SNTG2: variants seen among roughly 807,000 people sequenced by gnomAD.
SNTG2 encodes syntrophin gamma 2.
SNTG2 carries 74 observed loss-of-function variants against 70.9 expected under a neutral mutation model. That is an observed-to-expected ratio of 1.04 (90% CI 0.86 to 1.27). SNTG2 has a LOEUF of 1.27. SNTG2 is among the 50% of genes most tolerant of loss of function. The pLI, the probability that SNTG2 is intolerant of heterozygous loss-of-function variation, is 0.00. For missense variants in SNTG2, 717 were observed against 690.7 expected, an observed-to-expected ratio of 1.04 and a Z score of -0.43; for synonymous variants, 278 against 273.8, an observed-to-expected ratio of 1.02 and a Z score of -0.15.
intron 9 of SNTG2, among the ~76,000 whole-genome samples, chr2:1,236,595 A>G (rs1676676637): frequency 6.6e-6 from 1 of 152,268 alleles, no homozygotes; most frequent in Non-Finnish European, 1.5e-5. Flanking sequence ...TAAACCTCAC[A>G]TTCTGATTCA....
At chr2:997,266 A>G (rs1173088648) in intron 1 of SNTG2, among the ~76,000 whole-genome samples, 1 of 152,228 alleles carries the variant, frequency 6.6e-6, no homozygotes, top group East Asian at 1.9e-4. Flanking sequence ...CACGTGGCTT[A>G]TGAACAGAAG....
rs866501970 is a variant in SNTG2, at chr2:1,229,886, C to T, written c.720-8002C>T. On this transcript the variant is annotated intron_variant, in intron 9 of 16. Coordinates refer to ENST00000308624, the MANE Select transcript of SNTG2 (RefSeq NM_018968.4). Reference sequence around the variant, plus strand: ...CCGAGGCCGGCAGGGCCGGCTGCTCCGAGTGCGGAGCCCGCCAAGCCTACG... The same window carrying T: ...CCGAGGCCGGCAGGGCCGGCTGCTCTGAGTGCGGAGCCCGCCAAGCCTACG... Among the ~76,000 whole-genome samples, 9 of 152,326 alleles carry T rather than the reference C, an allele frequency of 5.9e-5. No homozygotes were observed. In the East Asian group the frequency reaches 7.7e-4, roughly 13 times the overall value.
chr2:1,054,086 C>T (rs760199099), intron 1 of SNTG2, among the ~76,000 whole-genome samples: 41 of 152,162 alleles, frequency 2.7e-4, no homozygotes, highest in African/African-American at 8.4e-4. Flanking sequence ...ACAGGCACCA[C>T]GCCTGCCACC....
intron 8 of SNTG2, among the ~76,000 whole-genome samples, chr2:1,201,570 G>A (rs1673279923): frequency 6.6e-6 from 1 of 151,550 alleles, no homozygotes; most frequent in African/African-American, 2.4e-5. Context: ...GCTTATGGAG[G>A]AATATGCATT....
At chr2:1,296,596 C>A (rs950269053) in intron 14 of SNTG2, among the ~76,000 whole-genome samples, 7 of 152,244 alleles carry the variant, frequency 4.6e-5, no homozygotes, top group Non-Finnish European at 8.8e-5. Context: ...ACTGGCCGGG[C>A]CTTTCCTGGT....
intron 12 of SNTG2, among the ~76,000 whole-genome samples, chr2:1,254,778 T>C (rs1403647914): frequency 6.6e-6 from 1 of 152,228 alleles, no homozygotes; most frequent in African/African-American, 2.4e-5. Flanking sequence ...TGATGATATA[T>C]AGTTACAAAA....
At chr2:1,152,843 G>A (rs1669605470) in intron 6 of SNTG2, among the ~76,000 whole-genome samples, 1 of 152,154 alleles carries the variant, frequency 6.6e-6, no homozygotes, top group Non-Finnish European at 1.5e-5. Flanking sequence ...CCTTCACAAG[G>A]CCAGGCATGG....
intron 1 of SNTG2, among the ~76,000 whole-genome samples, chr2:976,517 T>C (rs918248261): frequency 6.6e-6 from 1 of 152,196 alleles, no homozygotes; most frequent in Non-Finnish European, 1.5e-5. Context: ...TTTCCTCCTT[T>C]ATCAGCCTGA....
intron 9 of SNTG2, among the ~76,000 whole-genome samples, chr2:1,219,280 A>G (rs1302673043): frequency 1.3e-5 from 2 of 152,212 alleles, no homozygotes; most frequent in Non-Finnish European, 2.9e-5. Flanking sequence ...AGATGTCGCC[A>G]TGCTTCCTGT....
Position 1,066,331 on chromosome 2 carries a change from A to G in SNTG2, c.73-17187A>G, listed in dbSNP as rs541796898. Among the ~76,000 whole-genome samples the G allele has an allele frequency of 3.9e-5, 6 of 152,278 alleles. No individual in the cohort carries two copies. In the East Asian group the frequency reaches 1.2e-3, roughly 29 times the overall value. On this transcript the variant is annotated intron_variant, in intron 1 of 16. Coordinates refer to ENST00000308624, the MANE Select transcript of SNTG2 (RefSeq NM_018968.4). The stretch of plus-strand genomic sequence containing the variant: ...CAAAACTTCGCAGCCCAACTCATTC[A>G]ACTTTTGAAGCATTGGTTTTGCAGT...
chr2:952,174 A>G (rs796940465), intron 1 of SNTG2, among the ~76,000 whole-genome samples: 3 of 152,352 alleles, frequency 2.0e-5, no homozygotes, highest in African/African-American at 7.2e-5. Context: ...TTGTAATATG[A>G]ATAGCTATCC....
chr2:1,184,816 C>T lies in SNTG2; in HGVS notation c.591+11633C>T, dbSNP rs568289091. Among the ~76,000 whole-genome samples, 10 of 152,254 alleles carry T rather than the reference C, an allele frequency of 6.6e-5. No homozygotes were observed. The South Asian group carries it at 1.9e-3, about 28-fold the overall frequency. ...GACACAAATCCAAAACATATCATTC[C>T]ACCTTTGACCCCTGCCAAATCTCAT... On this transcript the variant is annotated intron_variant, in intron 8 of 16. Transcript: ENST00000308624.
intron 2 of SNTG2, among the ~76,000 whole-genome samples, chr2:1,088,760 G>C (rs1664836140): frequency 6.6e-6 from 1 of 152,144 alleles, no homozygotes; most frequent in South Asian, 2.1e-4. Flanking sequence ...TTGCCTGGCT[G>C]GCTTTAAGTG....
intron 16 of SNTG2, among the ~76,000 whole-genome samples, chr2:1,358,716 C>A (rs1376069737): frequency 6.6e-6 from 1 of 152,056 alleles, no homozygotes; most frequent in Non-Finnish European, 1.5e-5. Flanking sequence ...GAAGAAGATA[C>A]TAGGTATGAT....
In SNTG2 at chr2:1,222,079, GTCTCTGTC is replaced by G. The variant is rs1675157342; in HGVS notation, c.719+12855_719+12862del. On this transcript the variant is annotated intron_variant, in intron 9 of 16. Coordinates refer to ENST00000308624, the MANE Select transcript of SNTG2 (RefSeq NM_018968.4). Reference sequence around the variant, plus strand: ...TCTGTCTCTGTTTCTCTCTGTCTCTGTCTCTGTCTCTCTCTGTCTCTCTCTGTCTCTCT... The same window carrying G: ...TCTGTCTCTGTTTCTCTCTGTCTCTGTCTCTCTGTCTCTCTCTGTCTCTCT... Among the ~76,000 whole-genome samples the G allele has an allele frequency of 2.7e-4, 4 of 14,584 alleles. 1 individual carries two copies. The highest frequency in any genetic ancestry group is 1.3e-3 in the Admixed American group (2 of 1,486). The allele number at this position is 14,584 out of a possible 152,430, so 9.6% of individuals were successfully genotyped here.
intron 1 of SNTG2, among the ~76,000 whole-genome samples, chr2:963,441 C>T (rs893176195): frequency 1.3e-5 from 2 of 152,030 alleles, no homozygotes; most frequent in Admixed American, 6.6e-5. Flanking sequence ...ATTAGGAAGG[C>T]GAGCAAGTCA....
rs373693931 is a variant in SNTG2 at position 1,218,692 on chromosome 2, G to A, written c.719+9462G>A. Among the ~76,000 whole-genome samples, 178 of 152,340 alleles carry A rather than the reference G, an allele frequency of 1.2e-3. 1 individual carries two copies. Among genetic ancestry groups the A allele is most frequent in the Non-Finnish European group, 2.3e-3 (155 of 68,040 alleles). On this transcript the variant is annotated intron_variant, in intron 9 of 16. Transcript: ENST00000308624. ...GGCTCAGAAAAGAGGAAGAGCTGTG[G>A]TGCCTCTGGGATGTGCCCCTGGGGA... is the stretch of plus-strand genomic sequence containing the variant.
intron 1 of SNTG2, among the ~76,000 whole-genome samples, chr2:1,060,020 G>A (rs530493976): frequency 3.3e-5 from 5 of 152,142 alleles, no homozygotes; most frequent in African/African-American, 1.2e-4. Context: ...GGAAAGAATG[G>A]TTAGCCACAT....
intron 8 of SNTG2, among the ~76,000 whole-genome samples, chr2:1,205,890 A>G (rs1296825907): frequency 1.3e-5 from 2 of 152,168 alleles, no homozygotes; most frequent in African/African-American, 4.8e-5. Context: ...TATAAATGCT[A>G]CAGGATGGCT....
Sources: gnomAD v4.1 joint callset for allele counts (sites outside exome capture counted in the v4.1 genomes callset) on GRCh38, gnomAD v4.1.1 for gene constraint, MANE v1.5 for transcripts, NCBI Gene and HGNC (gene_info 2026-07-23, HGNC 2026-07-21) for gene names.